FOXP1: variants seen among roughly 807,000 people sequenced by gnomAD.
The protein encoded by FOXP1 is forkhead box P1, also known as forkhead box protein P1.
A neutral mutation model predicts 98.2 loss-of-function variants in FOXP1; 15 were observed. That is an observed-to-expected ratio of 0.15 (90% confidence interval 0.10 to 0.24). The LOEUF (loss-of-function observed/expected upper bound fraction) is 0.24. Among genes scored for constraint, FOXP1 ranks in the 10% least tolerant of loss-of-function variants. The pLI is 1.00. For missense variants in FOXP1, 633 were observed against 848.5 expected (o/e 0.75, Z 3.15); for synonymous variants, 371 against 314.5 (o/e 1.18, Z -1.90).
At chr3:71,581,311 TA>T in intron 2 of FOXP1, 1 of 985,396 alleles carries the variant, frequency 1.0e-6, no homozygotes, top group Non-Finnish European at 1.2e-6. Flanking sequence ...CACTCCACGC[TA>T]AACTTTGATC....
chr3:71,282,531 C>G (rs1363989366), intron 5 of FOXP1, among the ~76,000 whole-genome samples: 1 of 152,092 alleles, frequency 6.6e-6, no homozygotes, highest in Non-Finnish European at 1.5e-5. Context: ...AAACATTGCT[C>G]TAAGCACTTT....
intron 6 of FOXP1, among the ~76,000 whole-genome samples, chr3:71,129,650 G>T (rs1032568187): frequency 2.0e-5 from 3 of 152,074 alleles, no homozygotes; most frequent in African/African-American, 7.2e-5. Flanking sequence ...GGGAAGGGGG[G>T]TGTGGAGGGA....
chr3:71,347,409 TAAAC>T (rs989820019), intron 4 of FOXP1, among the ~76,000 whole-genome samples: 1 of 152,190 alleles, frequency 6.6e-6, no homozygotes, highest in African/African-American at 2.4e-5. Context: ...CATTCTGACT[TAAAC>T]AAACTTCTGC....
chr3:70,993,990 G>C (rs112167178), intron 13 of FOXP1, among the ~76,000 whole-genome samples: 7 of 138,444 alleles, frequency 5.1e-5, no homozygotes, highest in Admixed American at 1.6e-4. Flanking sequence ...GCAAAACTCC[G>C]TCTCAAAAGA....
intron 5 of FOXP1, among the ~76,000 whole-genome samples, chr3:71,252,129 TC>T (rs2068243980): frequency 1.1e-4 from 1 of 8,992 alleles, no homozygotes; most frequent in Non-Finnish European, 2.2e-4. Context: ...GAGATCTCTT[TC>T]TCTCTCTCTC....
intron 3 of FOXP1, among the ~76,000 whole-genome samples, chr3:71,424,461 G>A (rs1406273898): frequency 1.3e-5 from 2 of 152,122 alleles, no homozygotes; most frequent in African/African-American, 4.8e-5. Flanking sequence ...AGGTAAAGAG[G>A]ATTCCATGTC....
At chr3:71,399,524 C>T (rs781243651) in intron 3 of FOXP1, among the ~76,000 whole-genome samples, 1 of 152,100 alleles carries the variant, frequency 6.6e-6, no homozygotes, top group Non-Finnish European at 1.5e-5. Flanking sequence ...TCACTAAAGT[C>T]GATAAAAATC....
intron 4 of FOXP1, among the ~76,000 whole-genome samples, chr3:71,315,200 C>T (rs553221406): frequency 6.6e-6 from 1 of 151,588 alleles, no homozygotes; most frequent in East Asian, 2.0e-4. Context: ...TGCTAAGGCA[C>T]TTTCCACACC....
intron 7 of FOXP1, among the ~76,000 whole-genome samples, chr3:71,082,509 A>C (rs1296990288): frequency 1.3e-5 from 2 of 152,004 alleles, no homozygotes; most frequent in African/African-American, 4.8e-5. Context: ...TAACATTAGG[A>C]GAAATACCTA....
intron 5 of FOXP1, among the ~76,000 whole-genome samples, chr3:71,260,892 G>T (rs539396204): frequency 1.3e-5 from 2 of 152,046 alleles, no homozygotes; most frequent in African/African-American, 4.8e-5. Context: ...AAAGTTAGGG[G>T]CAAAAGCTGG....
intron 3 of FOXP1, among the ~76,000 whole-genome samples, chr3:71,477,489 A>G (rs1245361320): frequency 6.6e-6 from 1 of 152,100 alleles, no homozygotes; most frequent in Non-Finnish European, 1.5e-5. Flanking sequence ...GCTCTCTATT[A>G]TTTATAGCAA....
At chr3:71,254,343 C>G (rs1464318992) in intron 5 of FOXP1, among the ~76,000 whole-genome samples, 1 of 152,122 alleles carries the variant, frequency 6.6e-6, no homozygotes, top group Non-Finnish European at 1.5e-5. Context: ...GTTGGGCACA[C>G]AAAAATAAAT....
intron 5 of FOXP1, among the ~76,000 whole-genome samples, chr3:71,288,759 G>C (rs1037387651): frequency 7.2e-5 from 11 of 152,100 alleles, no homozygotes; most frequent in African/African-American, 2.7e-4. Flanking sequence ...CAAGGGGTGG[G>C]GGAAAATGTG....
chr3:71,009,916 A>ATT (rs200610453), intron 12 of FOXP1, among the ~76,000 whole-genome samples: 12 of 133,034 alleles, frequency 9.0e-5, no homozygotes, highest in African/African-American at 1.7e-4. Flanking sequence ...ACCCAGCTGA[A>ATT]TTTTTTTTTT....
At chr3:71,564,399 A>G (rs1283331973) in intron 2 of FOXP1, among the ~76,000 whole-genome samples, 1 of 152,218 alleles carries the variant, frequency 6.6e-6, no homozygotes, top group Admixed American at 6.5e-5. Context: ...GGATTATCTC[A>G]TTTAATCCAC....
chr3:70,970,599 T>TGCTATGTGTTTGCCTCCAGGGAGTAC (rs2036005610), intron 19 of FOXP1, 137 bp downstream of exon 19: 3 of 792,862 alleles, frequency 3.8e-6, no homozygotes, highest in Non-Finnish European at 2.2e-6. Context: ...CCAGGGAGTA[T>TGCTATGTGTTTGCCTCCAGGGAGTAC]GATGCTTTGT....
intron 5 of FOXP1, among the ~76,000 whole-genome samples, chr3:71,207,977 A>G (rs893605835): frequency 6.6e-6 from 1 of 152,242 alleles, no homozygotes; most frequent in African/African-American, 2.4e-5. Flanking sequence ...GTAAGAGTAA[A>G]AACACTGGCT....
At chr3:71,219,310 C>T (rs765039390) in intron 5 of FOXP1, among the ~76,000 whole-genome samples, 6 of 152,184 alleles carry the variant, frequency 3.9e-5, no homozygotes, top group Non-Finnish European at 8.8e-5. Flanking sequence ...AGGCCTATAT[C>T]CTCCAGGCCT....
At chr3:71,452,434 T>C (rs2087041853) in intron 3 of FOXP1, among the ~76,000 whole-genome samples, 1 of 152,198 alleles carries the variant, frequency 6.6e-6, no homozygotes, top group Non-Finnish European at 1.5e-5. Flanking sequence ...TCTAATGACG[T>C]GGCAACTCAA....
Sources: allele counts gnomAD v4.1 joint callset (sites outside exome capture counted in the v4.1 genomes callset), GRCh38; gene constraint gnomAD v4.1.1; transcripts MANE v1.5; gene names NCBI Gene and HGNC (gene_info 2026-07-23, HGNC 2026-07-21).